The following CAMTA1 variants were observed in gnomAD, a reference collection of about 807,000 sequenced individuals.
CAMTA1 encodes the protein calmodulin binding transcription activator 1.
Under a neutral mutation model 170.9 loss-of-function variants are expected in CAMTA1, and 27 were observed. The observed-to-expected ratio is 0.16, with a 90% CI of 0.12 to 0.22. CAMTA1 has a LOEUF of 0.22. Ranked by LOEUF, CAMTA1 falls within the 10% of genes least tolerant of loss-of-function variation. The probability of loss-of-function intolerance (pLI) is 1.00; values close to 1 mark genes in which losing one functional copy is unlikely to be tolerated. For missense variants in CAMTA1, 1,619 were observed against 2,217.2 expected (o/e 0.73, Z 5.42); for synonymous variants, 833 against 891.5 (o/e 0.93, Z 1.17).
At chr1:7,383,847 C>T (rs1372444123) in intron 5 of CAMTA1, among the ~76,000 whole-genome samples, 3 of 152,166 alleles carry the variant, frequency 2.0e-5, no homozygotes, top group South Asian at 2.1e-4. Flanking sequence ...GGATGATGAT[C>T]GTGGAGGATT....
intron 11 of CAMTA1, among the ~76,000 whole-genome samples, chr1:7,727,807 T>G (rs1403052703): frequency 2.6e-5 from 4 of 152,236 alleles, no homozygotes; most frequent in African/African-American, 9.6e-5. Flanking sequence ...TGTGGAGATG[T>G]AAAGACCATC....
At chr1:7,486,687 CG>C (rs1557793450) in intron 6 of CAMTA1, among the ~76,000 whole-genome samples, 1 of 152,166 alleles carries the variant, frequency 6.6e-6, no homozygotes, top group African/African-American at 2.4e-5. Flanking sequence ...GTCCTGTGTC[CG>C]GGATGACCCA....
intron 4 of CAMTA1, among the ~76,000 whole-genome samples, chr1:7,247,345 G>C (rs1360549311): frequency 6.6e-6 from 1 of 152,200 alleles, no homozygotes; most frequent in South Asian, 2.1e-4. Flanking sequence ...GTGTTTGAGA[G>C]AGTCCTCTCT....
chr1:7,167,099 C>T (rs1315957752), intron 4 of CAMTA1, among the ~76,000 whole-genome samples: 1 of 152,084 alleles, frequency 6.6e-6, no homozygotes, highest in Non-Finnish European at 1.5e-5. Flanking sequence ...GTATGAGCCA[C>T]CGTGCCCGGA....
intron 3 of CAMTA1, among the ~76,000 whole-genome samples, chr1:6,998,212 G>A (rs1352498448): frequency 6.6e-6 from 1 of 151,942 alleles, no homozygotes; most frequent in Non-Finnish European, 1.5e-5. Flanking sequence ...CGAGTAGCTG[G>A]GACTACAGGT....
At chr1:7,105,450 G>T (rs1405355117) in intron 4 of CAMTA1, among the ~76,000 whole-genome samples, 1 of 152,220 alleles carries the variant, frequency 6.6e-6, no homozygotes, top group Non-Finnish European at 1.5e-5. Flanking sequence ...TTCCCATGAA[G>T]GGCATGACAG....
intron 3 of CAMTA1, among the ~76,000 whole-genome samples, chr1:6,919,304 A>G (rs1028031835): frequency 6.6e-6 from 1 of 152,206 alleles, no homozygotes. Flanking sequence ...AGTGGGCCCC[A>G]GAGGCAAGGC....
intron 2 of CAMTA1, among the ~76,000 whole-genome samples, chr1:6,821,226 G>C (rs1646453764): frequency 6.6e-6 from 1 of 152,106 alleles, no homozygotes; most frequent in Admixed American, 6.6e-5. Context: ...ATTACTACTG[G>C]GTTTAATTCA....
At chr1:7,334,131 C>T (rs2083203582) in intron 5 of CAMTA1, among the ~76,000 whole-genome samples, 2 of 152,120 alleles carry the variant, frequency 1.3e-5, no homozygotes, top group African/African-American at 2.4e-5. Context: ...GAAATGAACA[C>T]GTGTAAGAAG....
rs2097036358 is a variant in CAMTA1, at chr1:7,768,337, T to A, written c.*1846T>A. 1 of 152,792 alleles carries A rather than the reference T, an allele frequency of 6.5e-6. No individual in the cohort carries two copies. The highest frequency in any genetic ancestry group is 2.4e-5 in the African/African-American group (1 of 41,458). The allele number at this position is 152,792 out of a possible 1,614,324, so 9.5% of individuals were successfully genotyped here. A position where few individuals can be genotyped will look rare whatever the true frequency, so the allele number is the denominator to read the frequency against. ...TTTTTAACAATTAAACTGCTAATGTTAAATTGAGAGAATAAAGTTCGTATT... is the reference window on the plus strand; with the variant it reads ...TTTTTAACAATTAAACTGCTAATGTAAAATTGAGAGAATAAAGTTCGTATT... On this transcript the variant is annotated 3_prime_UTR_variant, in exon 23 of 23. Transcript: ENST00000303635.
intron 6 of CAMTA1, among the ~76,000 whole-genome samples, chr1:7,495,042 G>T (rs1230464647): frequency 6.6e-6 from 1 of 152,114 alleles, no homozygotes; most frequent in Non-Finnish European, 1.5e-5. Context: ...CTAGGTCTCT[G>T]TTGGGCTCCA....
At chr1:7,354,552 G>A (rs192214921) in intron 5 of CAMTA1, among the ~76,000 whole-genome samples, 68 of 152,330 alleles carry the variant, frequency 4.5e-4, no homozygotes, top group African/African-American at 1.6e-3. Context: ...CTTTGCGGTA[G>A]AATAATTTAT....
intron 3 of CAMTA1, among the ~76,000 whole-genome samples, chr1:6,955,441 A>G (rs990110600): frequency 6.6e-6 from 1 of 152,152 alleles, no homozygotes; most frequent in Non-Finnish European, 1.5e-5. Context: ...TCCAGGAAAT[A>G]GTACTTGGGG....
At chr1:7,548,636 G>T (rs2094742699) in intron 6 of CAMTA1, among the ~76,000 whole-genome samples, 1 of 148,968 alleles carries the variant, frequency 6.7e-6, no homozygotes, top group African/African-American at 2.5e-5. Context: ...CTTAGGGGTG[G>T]AGGTGCTGGT....
chr1:6,991,293 T>C (rs1376796956), intron 3 of CAMTA1, among the ~76,000 whole-genome samples: 1 of 152,220 alleles, frequency 6.6e-6, no homozygotes, highest in Non-Finnish European at 1.5e-5. Context: ...TTCTTTTTTT[T>C]AAAAGAAACT....
chr1:7,632,281 G>A (rs575800409), intron 6 of CAMTA1, among the ~76,000 whole-genome samples: 8 of 152,308 alleles, frequency 5.3e-5, no homozygotes, highest in Admixed American at 1.3e-4. Context: ...CCTCCTATCC[G>A]GCTGGCGGCA....
rs369977485 is a variant in CAMTA1 at position 7,309,539 on chromosome 1, T to A, written c.438+59913T>A. Among the ~76,000 whole-genome samples the A allele has an allele frequency of 3.7e-3, 566 of 151,984 alleles. 8 individuals are homozygous for A. The highest frequency in any genetic ancestry group is 0.024 in the Admixed American group (372 of 15,268). The stretch of plus-strand genomic sequence containing the variant: ...TGGTCTCGATCTCCTGACCTCGTGA[T>A]CCGCCCGCCTCGGCCTCCCAAAGTG... On this transcript the variant is annotated intron_variant, in intron 5 of 22. Coordinates refer to ENST00000303635, the MANE Select transcript of CAMTA1 (RefSeq NM_015215.4).
intron 3 of CAMTA1, among the ~76,000 whole-genome samples, chr1:7,058,895 ACT>A (rs55691655): frequency 2.4e-4 from 37 of 151,292 alleles, no homozygotes; most frequent in South Asian, 4.2e-4. Context: ...ACACACACAC[ACT>A]CTCTCTCTCT....
chr1:7,736,496 T>A lies in CAMTA1; in HGVS notation c.3219T>A (p.Ala1073=), dbSNP rs1224075720. The A allele has an allele frequency of 1.9e-6, 3 of 1,614,076 alleles. No homozygotes were observed. Among genetic ancestry groups the A allele is most frequent in the Non-Finnish European group, 2.5e-6 (3 of 1,180,042 alleles). The change falls in exon 13 of 23, where the codon GCT becomes GCA. Residue 1073 remains alanine, a synonymous_variant. Coordinates refer to ENST00000303635, the MANE Select transcript of CAMTA1 (RefSeq NM_015215.4). This position sits in a 1 kb window ranked among gnomAD's most constrained non-coding sequence, Gnocchi z 4.5. ...FRGMTLLHLA[A]AQGYATLIQT... is the part of the protein sequence containing the mutation. Reference sequence around the variant, plus strand: ...GAATGACCCTACTCCACCTGGCCGCTGCCCAGGGCTATGCCACCCTAATCC... The same window carrying A: ...GAATGACCCTACTCCACCTGGCCGCAGCCCAGGGCTATGCCACCCTAATCC...
Sources: gnomAD v4.1 joint callset for allele counts (sites outside exome capture counted in the v4.1 genomes callset) on GRCh38, gnomAD v4.1.1 for gene constraint, Gnocchi (gnomAD v3.1) non-coding constraint, MANE v1.5 for transcripts, NCBI Gene and HGNC (gene_info 2026-07-23, HGNC 2026-07-21) for gene names.